USH1C: variants seen among roughly 807,000 people sequenced by gnomAD.
USH1C encodes the protein USH1 protein network component harmonin.
Under a neutral mutation model 119.3 loss-of-function variants are expected in USH1C, and 90 were observed. The observed-to-expected ratio is 0.75, with a 90% CI of 0.64 to 0.90. USH1C has a LOEUF of 0.90. Among genes scored for constraint, USH1C ranks in the 40% least tolerant of loss-of-function variants. USH1C has a pLI of 0.00. For synonymous variants in USH1C, 465 were observed against 443.3 expected (o/e 1.05, Z -0.62); for missense variants, 1,165 against 1,167.7 (o/e 1.00, Z 0.03).
At chr11:17,528,796 G>A (rs1334129863) in intron 4 of USH1C, among the ~76,000 whole-genome samples, 2 of 152,236 alleles carry the variant, frequency 1.3e-5, no homozygotes, top group African/African-American at 4.8e-5. Context: ...GGCTCAAAAT[G>A]GCACTGGGGT....
rs758857084 is a variant in USH1C at position 17,494,355 on chromosome 11, T to C, written c.2677A>G (p.Arg893Gly). The C allele has an allele frequency of 6.9e-6, 11 of 1,605,754 alleles. No homozygotes were observed. Among genetic ancestry groups the C allele is most frequent in the Middle Eastern group, 1.7e-4 (1 of 6,032 alleles). The change falls in exon 27 of 27, where the codon AGG becomes GGG. Residue 893 changes from arginine to glycine, a missense_variant. By Grantham distance (125) the Arg-to-Gly change is moderately radical. Coordinates refer to ENST00000005226, the MANE Select transcript of USH1C (RefSeq NM_153676.4). ...EPTDLLLKSK[R>G]GNQIHR ...TCCTAACGGTGAATTTGGTTTCCCC[T>C]TTTGGACTTCAGAAGAAGGTCCTGC...
At chr11:17,524,429 G>A (rs1481097574) in intron 9 of USH1C, 22 bp downstream of exon 9, 4 of 1,560,654 alleles carry the variant, frequency 2.6e-6, no homozygotes, top group Admixed American at 3.8e-5. Flanking sequence ...GCCCCCACTG[G>A]GGCCGGCCCA....
At chr11:17,494,444 C>G in intron 26 of USH1C, 68 bp from the exon 27 acceptor site, 1 of 1,518,146 alleles carries the variant, frequency 6.6e-7, no homozygotes, top group Non-Finnish European at 9.0e-7. Flanking sequence ...CCAGCCAGAG[C>G]AAGGCCCCAC....
chr11:17,521,515 G>A, intron 12 of USH1C, 104 bp from the exon 13 acceptor site: 1 of 1,229,662 alleles, frequency 8.1e-7, no homozygotes, highest in African/African-American at 1.5e-5. Flanking sequence ...TTTTCTCCAG[G>A]CTCCCTTCCT....
At chr11:17,537,203 A>T (rs756945335) in intron 1 of USH1C, among the ~76,000 whole-genome samples, 1 of 152,174 alleles carries the variant, frequency 6.6e-6, no homozygotes, top group Admixed American at 6.5e-5. Context: ...TACTTTTCCA[A>T]TATTAAAAAA....
intron 16 of USH1C, among the ~76,000 whole-genome samples, chr11:17,511,080 C>T: frequency 6.6e-6 from 1 of 152,252 alleles, no homozygotes; most frequent in South Asian, 2.1e-4. Context: ...ATGATACCTC[C>T]TACAGCTGGG....
chr11:17,535,714 C>T (rs542938203), intron 1 of USH1C, among the ~76,000 whole-genome samples: 1 of 152,208 alleles, frequency 6.6e-6, no homozygotes, highest in Admixed American at 6.5e-5. Flanking sequence ...ATGATGTTGT[C>T]CCCATAATGC....
chr11:17,513,791 C>T (rs892648692), intron 15 of USH1C, among the ~76,000 whole-genome samples: 8 of 151,390 alleles, frequency 5.3e-5, no homozygotes, highest in African/African-American at 9.7e-5. Flanking sequence ...AGGACCACCA[C>T]GAGAATAATG....
At chr11:17,543,201 C>A (rs538727131) in intron 1 of USH1C, among the ~76,000 whole-genome samples, 47 of 152,366 alleles carry the variant, frequency 3.1e-4, no homozygotes, top group Middle Eastern at 3.4e-3. Flanking sequence ...GCTCCTTGGG[C>A]TCCTATGGGC....
At chr11:17,501,678 C>G (rs1849453483) in intron 21 of USH1C, 143 bp from the exon 22 acceptor site, 1 of 1,040,012 alleles carries the variant, frequency 9.6e-7, no homozygotes, top group South Asian at 1.4e-5. Flanking sequence ...AGCCCCACCC[C>G]TACTGGTCTT....
intron 8 of USH1C, 82 bp from the exon 9 acceptor site, chr11:17,524,617 G>T (rs1436671499): frequency 6.8e-6 from 10 of 1,475,720 alleles, no homozygotes; most frequent in Non-Finnish European, 8.3e-6. Flanking sequence ...ATGAGCTGAG[G>T]ACTGAAGGCC....
At position 17,523,307 on chromosome 11, in the gene USH1C, C is replaced by T. The variant is rs756573592; in HGVS notation, c.820-40G>A. On this transcript the variant is annotated intron_variant, in intron 10 of 26. Transcript: ENST00000005226. ...GGACAGTGGGCCGAGGCCTGACAGA[C>T]CACAGCAGTCCAGGCAGAGAGCACA... The T allele has an allele frequency of 3.7e-6, 6 of 1,614,002 alleles. No homozygotes were observed. In the East Asian group the frequency reaches 1.3e-4, roughly 36 times the overall value.
At chr11:17,510,378 T>C (rs761393221) in intron 17 of USH1C, 27 bp downstream of exon 17, 44 of 1,571,620 alleles carry the variant, frequency 2.8e-5, no homozygotes, top group Non-Finnish European at 3.1e-5. Flanking sequence ...AGCAGGAGGG[T>C]CTATGTGGAA....
rs776956839 is a variant in USH1C at position 17,531,405 on chromosome 11, C to T, written c.242G>A (p.Arg81His). ...QVEYDQLTPR[R>H]SRKLKEVRLD... ...CTGGTGGCTTCCTCTGCACCTGGAGCGCCGGGGGGTCAGCTGATCATATTC... is the reference window on the plus strand; with the variant it reads ...CTGGTGGCTTCCTCTGCACCTGGAGTGCCGGGGGGTCAGCTGATCATATTC... Residue 81 changes from arginine to histidine, a missense_variant, in exon 3 of 27, where the codon CGC (arginine) becomes CAC (histidine). Arg to His is a conservative substitution (Grantham distance 29). Coordinates refer to ENST00000005226, the MANE Select transcript of USH1C (RefSeq NM_153676.4). The surrounding 1 kb of genome is among the most constrained non-coding windows in gnomAD (Gnocchi z 4.2). 3.7e-6 allele frequency: 6 copies of T among 1,613,792 alleles called. No individual in the cohort carries two copies. The highest frequency in any genetic ancestry group is 3.3e-5 in the Admixed American group (2 of 59,958).
At chr11:17,500,157 T>C (rs1046303409) in intron 23 of USH1C, among the ~76,000 whole-genome samples, 1 of 152,148 alleles carries the variant, frequency 6.6e-6, no homozygotes, top group Admixed American at 6.5e-5. Context: ...GAGGGTGTTT[T>C]TGTAGATAAG....
intron 4 of USH1C, among the ~76,000 whole-genome samples, chr11:17,528,373 C>T (rs182389659): frequency 2.6e-5 from 4 of 152,294 alleles, no homozygotes. Flanking sequence ...TTCTGGAGCT[C>T]CTCATTTAAT....
At chr11:17,541,566 G>C (rs1851467446) in intron 1 of USH1C, among the ~76,000 whole-genome samples, 1 of 152,222 alleles carries the variant, frequency 6.6e-6, no homozygotes, top group African/African-American at 2.4e-5. Context: ...TTCCTACCCT[G>C]TGCTGGTGCT....
chr11:17,499,225 T>A (rs1013325785), intron 23 of USH1C, among the ~76,000 whole-genome samples: 7 of 152,170 alleles, frequency 4.6e-5, no homozygotes, highest in African/African-American at 1.7e-4. Context: ...CAGGTTACAT[T>A]GAAATAGATC....
chr11:17,518,525 G>C (rs1850257133), intron 14 of USH1C, among the ~76,000 whole-genome samples: 1 of 152,190 alleles, frequency 6.6e-6, no homozygotes, highest in Non-Finnish European at 1.5e-5. Context: ...GGTCTGTTAG[G>C]AGCCTCTGTG....
Sources: allele counts gnomAD v4.1 joint callset (sites outside exome capture counted in the v4.1 genomes callset), GRCh38; gene constraint gnomAD v4.1.1; non-coding constraint Gnocchi (gnomAD v3.1); transcripts MANE v1.5; gene names NCBI Gene and HGNC (gene_info 2026-07-23, HGNC 2026-07-21).